The following SAG variants were observed in gnomAD, a reference collection of about 807,000 sequenced individuals.
SAG encodes the protein S-arrestin.
SAG carries 45 observed loss-of-function variants against 55.0 expected under a neutral mutation model. The ratio of observed to expected loss-of-function variants is 0.82; its 90% CI spans 0.64 to 1.05. The LOEUF (loss-of-function observed/expected upper bound fraction) is 1.05, where lower values mean the gene tolerates loss of function less well. Ranked by LOEUF, SAG falls within the 50% of genes least tolerant of loss-of-function variation. The pLI is 0.00. For missense variants in SAG, 455 were observed against 512.1 expected, an observed-to-expected ratio of 0.89 and a Z score of 1.08; for synonymous variants, 189 against 197.4, an observed-to-expected ratio of 0.96 and a Z score of 0.36.
At chr2:233,330,674 G>A (rs535058882) in intron 9 of SAG, among the ~76,000 whole-genome samples, 60 of 152,064 alleles carry the variant, frequency 3.9e-4, no homozygotes, top group Admixed American at 9.2e-4. Flanking sequence ...GGGATTACAG[G>A]CGTGCACCAA....
chr2:233,343,596 T>C lies in SAG; in HGVS notation c.1102+1270T>C, dbSNP rs1303190372. The C allele has an allele frequency of 5.1e-6, 5 of 982,034 alleles. No homozygotes were observed. The East Asian group carries it at 3.2e-4, about 63-fold the overall frequency. 60.8% of individuals were successfully genotyped at this position (982,034 alleles called of 1,614,324 possible). A position where few individuals can be genotyped will look rare whatever the true frequency, so the allele number is the denominator to read the frequency against. ...GTGAAAAGGTAAATTGTATGATATA[T>C]GAATTTGATCTCAATCATTCTCTTT... is the stretch of plus-strand genomic sequence containing the variant. On this transcript the variant is annotated intron_variant, in intron 14 of 15. Transcript: ENST00000409110.
At chr2:233,311,022 G>A (rs1205192495) in intron 2 of SAG, among the ~76,000 whole-genome samples, 1 of 152,124 alleles carries the variant, frequency 6.6e-6, no homozygotes, top group Non-Finnish European at 1.5e-5. Context: ...ACTTCTGGCT[G>A]AAGAGGAAAC....
Position 233,308,192 on chromosome 2 carries a change from G to T in SAG, c.-29+170G>T, listed in dbSNP as rs1574921936. Among the ~76,000 whole-genome samples, 4 of 152,336 alleles carry T rather than the reference G, an allele frequency of 2.6e-5. No homozygotes were observed. The South Asian group carries it at 8.3e-4, about 32-fold the overall frequency. ...AGACTTGGAGTGAGCGGGTGCAATG[G>T]CTCATGCCTATAGTCCCAGTGACTC... is the stretch of plus-strand genomic sequence containing the variant. On this transcript the variant is annotated intron_variant, in intron 1 of 15. Coordinates refer to ENST00000409110, the MANE Select transcript of SAG (RefSeq NM_000541.5).
rs926743688 is a variant in SAG, at chr2:233,340,327, G to A, written c.1023-128G>A. 1.4e-6 allele frequency: 1 copy of A among 715,196 alleles called. No individual in the cohort carries two copies. 44.3% of individuals were successfully genotyped at this position (715,196 alleles called of 1,614,324 possible). A position where few individuals can be genotyped will look rare whatever the true frequency, so the allele number is the denominator to read the frequency against. ...GAAGTTGAACATTAAGGGATGGGAAGACCCTGGATGTTGTGAGTTCGGGTG... is the reference window on the plus strand; with the variant it reads ...GAAGTTGAACATTAAGGGATGGGAAAACCCTGGATGTTGTGAGTTCGGGTG... On this transcript the variant is annotated intron_variant, in intron 12 of 15. Coordinates refer to ENST00000409110, the MANE Select transcript of SAG (RefSeq NM_000541.5). This position sits in a 1 kb window ranked among gnomAD's most constrained non-coding sequence, Gnocchi z 4.2.
At chr2:233,327,464 G>A (rs1334076336) in intron 7 of SAG, 8 of 337,464 alleles carry the variant, frequency 2.4e-5, no homozygotes, top group African/African-American at 1.7e-4. Context: ...TTTTGTTGTT[G>A]TTGTTTGTTT....
At chr2:233,328,015 G>GT (rs113872337) in intron 7 of SAG, 3,245 of 151,556 alleles carry the variant, frequency 0.021, 42 homozygotes, top group Non-Finnish European at 0.033. Context: ...CCCCTGTGCT[G>GT]TTTTTTTTTT....
rs776736329 is a variant in SAG, at chr2:233,338,696, G to A, written c.965G>A (p.Arg322Gln). The A allele has an allele frequency of 2.2e-5, 35 of 1,613,690 alleles. No homozygotes were observed. The highest frequency in any genetic ancestry group is 2.5e-5 in the Non-Finnish European group (30 of 1,179,806). Residue 322 changes from arginine to glutamine, a missense_variant, in exon 12 of 16, where the codon CGG becomes CAG. By Grantham distance (43) the Arg-to-Gln change is conservative. Transcript: ENST00000409110. Reference protein sequence around the residue: ...SSTIIKEGIDRTVLGILVSYQ... With the variant: ...SSTIIKEGIDQTVLGILVSYQ... ...GGCAGCATTAAGGAGGGCATAGACC[G>A]GACCGTCCTGGGAATCCTGGTGTCT... is the stretch of plus-strand genomic sequence containing the variant.
At chr2:233,326,070 G>A (rs974082918) in intron 6 of SAG, among the ~76,000 whole-genome samples, 6 of 152,034 alleles carry the variant, frequency 3.9e-5, no homozygotes, top group African/African-American at 7.2e-5. Context: ...AGTGGTGGAG[G>A]GCAGGCCGGT....
At chr2:233,318,711 TC>T (rs768554906) in intron 3 of SAG, 39 bp from the exon 4 acceptor site, 1 of 1,590,146 alleles carries the variant, frequency 6.3e-7, no homozygotes, top group East Asian at 2.2e-5. Context: ...GTTTCTTTCA[TC>T]TTCTCCACCC....
chr2:233,311,800 T>G (rs1700081791), intron 2 of SAG, among the ~76,000 whole-genome samples: 1 of 152,142 alleles, frequency 6.6e-6, no homozygotes, highest in South Asian at 2.1e-4. Flanking sequence ...GTGTGCAGCC[T>G]CTCCTCTCTG....
intron 2 of SAG, 114 bp from the exon 3 acceptor site, chr2:233,315,961 A>G: frequency 1.5e-6 from 1 of 665,832 alleles, no homozygotes; most frequent in Non-Finnish European, 2.7e-6. Flanking sequence ...TGGCCTCCCA[A>G]AGTGCTAAGA....
intron 2 of SAG, among the ~76,000 whole-genome samples, chr2:233,310,070 C>T (rs1700036881): frequency 1.3e-5 from 2 of 152,212 alleles, no homozygotes; most frequent in Admixed American, 1.3e-4. Flanking sequence ...GAAAATGCCC[C>T]AGTCTGCCCC....
chr2:233,340,345 T>G lies in SAG; in HGVS notation c.1023-110T>G. On this transcript the variant is annotated intron_variant, in intron 12 of 15. Coordinates refer to ENST00000409110, the MANE Select transcript of SAG (RefSeq NM_000541.5). The surrounding 1 kb of genome is among the most constrained non-coding windows in gnomAD (Gnocchi z 4.2). ...ATGGGAAGACCCTGGATGTTGTGAG[T>G]TCGGGTGCAAGGGCCATGAGAGCTG... The G allele has an allele frequency of 1.2e-6, 1 of 837,498 alleles. No homozygotes were observed. The highest frequency in any genetic ancestry group is 1.5e-5 in the South Asian group (1 of 68,134). The allele number at this position is 837,498 out of a possible 1,614,324, so 51.9% of individuals were successfully genotyped here. A position where few individuals can be genotyped will look rare whatever the true frequency, so the allele number is the denominator to read the frequency against.
intron 6 of SAG, among the ~76,000 whole-genome samples, chr2:233,326,013 G>C (rs1574939660): frequency 1.3e-5 from 2 of 152,322 alleles, no homozygotes; most frequent in South Asian, 4.1e-4. Context: ...ACCATGGACA[G>C]AGCTGGCTTC....
At chr2:233,346,687 C>T in intron 15 of SAG, 120 bp from the exon 16 acceptor site, 1 of 789,210 alleles carries the variant, frequency 1.3e-6, no homozygotes, top group Non-Finnish European at 2.2e-6. Context: ...GGCGTGCCCC[C>T]ATGTTCTATC....
chr2:233,336,618 A>G (rs1300576482), intron 11 of SAG, among the ~76,000 whole-genome samples: 1 of 152,156 alleles, frequency 6.6e-6, no homozygotes, highest in Non-Finnish European at 1.5e-5. Context: ...AAGGAAATTG[A>G]GGTTGAGCCA....
chr2:233,329,415 A>G (rs896622873), intron 8 of SAG, 78 bp from the exon 9 acceptor site: 2 of 845,358 alleles, frequency 2.4e-6, no homozygotes, highest in African/African-American at 3.4e-5. Context: ...AGGGATTGAG[A>G]TGAATCTAGA....
At chr2:233,312,149 C>A (rs968211102) in intron 2 of SAG, among the ~76,000 whole-genome samples, 3 of 152,020 alleles carry the variant, frequency 2.0e-5, no homozygotes, top group Non-Finnish European at 2.9e-5. Flanking sequence ...AAATAAGTAC[C>A]GACCTCATGC....
intron 11 of SAG, among the ~76,000 whole-genome samples, chr2:233,335,479 CAG>C (rs896519383): frequency 2.6e-5 from 4 of 152,226 alleles, no homozygotes; most frequent in Admixed American, 2.0e-4. Context: ...GCCTGACACA[CAG>C]AGAGTGCTCC....
Sources: allele counts gnomAD v4.1 joint callset (sites outside exome capture counted in the v4.1 genomes callset), GRCh38; gene constraint gnomAD v4.1.1; non-coding constraint Gnocchi (gnomAD v3.1); transcripts MANE v1.5; gene names NCBI Gene and HGNC (gene_info 2026-07-23, HGNC 2026-07-21).